VSTM4: variants seen among roughly 807,000 people sequenced by gnomAD.
VSTM4 encodes V-set and transmembrane domain containing 4.
VSTM4 carries 20 observed loss-of-function variants against 36.4 expected under a neutral mutation model. The ratio of observed to expected loss-of-function variants is 0.55; its 90% confidence interval spans 0.39 to 0.80. The LOEUF is 0.80. Ranked by LOEUF, VSTM4 falls within the 30% of genes least tolerant of loss-of-function variation. The pLI is 0.00. For synonymous variants in VSTM4, 182 were observed against 173.9 expected (o/e 1.05, Z -0.37); for missense variants, 392 against 404.5 (o/e 0.97, Z 0.26).
intron 4 of VSTM4, among the ~76,000 whole-genome samples, chr10:49,076,081 C>T (rs1844172887): frequency 6.6e-6 from 1 of 152,164 alleles, no homozygotes; most frequent in Non-Finnish European, 1.5e-5. Context: ...GGGTACTTGT[C>T]ATTGGATGTG....
At chr10:49,099,134 T>G (rs1189263456) in intron 2 of VSTM4, among the ~76,000 whole-genome samples, 1 of 152,224 alleles carries the variant, frequency 6.6e-6, no homozygotes, top group East Asian at 1.9e-4. Flanking sequence ...GTCTCACCAG[T>G]GTAGTACCTA....
Position 49,107,694 on chromosome 10 carries a change from G to C in VSTM4, c.357C>G (p.Pro119=). 1.9e-6 allele frequency: 3 copies of C among 1,614,198 alleles called. No individual in the cohort carries two copies. The highest frequency in any genetic ancestry group is 2.5e-6 in the Non-Finnish European group (3 of 1,180,044). Residue 119 remains proline (P), a synonymous_variant, in exon 2 of 8, where the codon CCC becomes CCG. Transcript: ENST00000332853. ...TGCAGACGTAATGCCCTTGATCGGA[G>C]GGCTGCAGTGTCAAGACGGAGAGCC... The part of the protein sequence containing the change: ...LYRLSVLTLQ[P]SDQGHYVCRV...
chr10:49,090,070 G>GA (rs980086117), intron 2 of VSTM4, among the ~76,000 whole-genome samples: 4 of 152,218 alleles, frequency 2.6e-5, no homozygotes, highest in Admixed American at 2.6e-4. Context: ...AATGCTTTGA[G>GA]AAAAAATTTG....
intron 1 of VSTM4, among the ~76,000 whole-genome samples, chr10:49,115,193 C>A (rs1026786110): frequency 3.9e-5 from 6 of 152,126 alleles, no homozygotes; most frequent in Non-Finnish European, 7.4e-5. Context: ...CAGCCCCAGG[C>A]GAGGTCGGGA....
At chr10:49,091,194 C>T (rs571648591) in intron 2 of VSTM4, among the ~76,000 whole-genome samples, 1 of 152,198 alleles carries the variant, frequency 6.6e-6, no homozygotes, top group South Asian at 2.1e-4. Flanking sequence ...GTCAGCTGAC[C>T]TACTGACTGC....
At chr10:49,026,390 T>C (rs930641536) in intron 7 of VSTM4, among the ~76,000 whole-genome samples, 5 of 152,232 alleles carry the variant, frequency 3.3e-5, no homozygotes, top group African/African-American at 2.4e-5. Flanking sequence ...TCTATTAAGA[T>C]AGGTGCCTTT....
At position 49,081,551 on chromosome 10, in the gene VSTM4, C is replaced by T. The variant is rs138370343; in HGVS notation, c.527-4225G>A. ...AGTGTCCCTAGCAGCATGCTGCAGA[C>T]ATTTGGGGCACACTCTGCCCAGGCA... On this transcript the variant is annotated intron_variant, in intron 3 of 7. Coordinates refer to ENST00000332853, the MANE Select transcript of VSTM4 (RefSeq NM_001031746.5). Among the ~76,000 whole-genome samples, 178 of 152,358 alleles carry T rather than the reference C, an allele frequency of 1.2e-3. 1 individual carries two copies. In the East Asian group the frequency reaches 0.028, roughly 24 times the overall value.
intron 2 of VSTM4, among the ~76,000 whole-genome samples, chr10:49,086,289 C>T (rs868255075): frequency 5.3e-5 from 8 of 152,186 alleles, no homozygotes; most frequent in Non-Finnish European, 1.0e-4. Context: ...GCCCCATAGA[C>T]TTGAAAAATA....
At chr10:49,099,568 A>C (rs1186089525) in intron 2 of VSTM4, among the ~76,000 whole-genome samples, 1 of 152,162 alleles carries the variant, frequency 6.6e-6, no homozygotes, top group Admixed American at 6.5e-5. Context: ...TTCCACTAGA[A>C]ACCTCTCCAG....
intron 7 of VSTM4, among the ~76,000 whole-genome samples, chr10:49,042,039 A>G (rs1843529579): frequency 6.6e-6 from 1 of 152,224 alleles, no homozygotes; most frequent in African/African-American, 2.4e-5. Context: ...AAATATCAGA[A>G]TTAGAAAGAA....
intron 4 of VSTM4, among the ~76,000 whole-genome samples, chr10:49,075,583 G>A (rs1183472160): frequency 6.6e-6 from 1 of 152,270 alleles, no homozygotes; most frequent in Non-Finnish European, 1.5e-5. Context: ...AAGCTGCATT[G>A]CCACTGATGA....
chr10:49,049,285 G>GATAA (rs1374148982), intron 5 of VSTM4, among the ~76,000 whole-genome samples: 1 of 152,202 alleles, frequency 6.6e-6, no homozygotes, highest in Non-Finnish European at 1.5e-5. Context: ...GGGACGGGAA[G>GATAA]ATAAGCCTTT....
At chr10:49,112,547 A>G (rs1384676212) in intron 1 of VSTM4, among the ~76,000 whole-genome samples, 1 of 152,230 alleles carries the variant, frequency 6.6e-6, no homozygotes, top group Non-Finnish European at 1.5e-5. Flanking sequence ...CCCTTAAAAT[A>G]CAGATAGAGT....
At position 49,106,763 on chromosome 10, in the gene VSTM4, C is replaced by A. The variant is rs1050051183; in HGVS notation, c.457+831G>T. On this transcript the variant is annotated intron_variant, in intron 2 of 7. Transcript: ENST00000332853. ...GAGGCTGAGCACTGACAAACATGCTCTCCTTAGCCAAACTCCAGCCGGGCT... is the reference window on the plus strand; with the variant it reads ...GAGGCTGAGCACTGACAAACATGCTATCCTTAGCCAAACTCCAGCCGGGCT... Among the ~76,000 whole-genome samples, 3 of 152,238 alleles carry A rather than the reference C, an allele frequency of 2.0e-5. No homozygotes were observed. In the South Asian group the frequency reaches 6.2e-4, roughly 31 times the overall value.
rs1843651619 is a variant in VSTM4, at chr10:49,048,641, G to A, written c.669-57C>T. ...AGGCAGATTTGTTGCAAAAGAGAAAGGAAAAAAAAAAACCCACAATAGCTT... is the reference window on the plus strand; with the variant it reads ...AGGCAGATTTGTTGCAAAAGAGAAAAGAAAAAAAAAAACCCACAATAGCTT... On this transcript the variant is annotated intron_variant, in intron 5 of 7. Transcript: ENST00000332853. 41 of 1,448,736 alleles carry A rather than the reference G, an allele frequency of 2.8e-5. No homozygotes were observed. In the South Asian group the frequency reaches 4.8e-4, roughly 17 times the overall value. 89.7% of individuals were successfully genotyped at this position (1,448,736 alleles called of 1,614,324 possible). A position where few individuals can be genotyped will look rare whatever the true frequency, so the allele number is the denominator to read the frequency against.
intron 7 of VSTM4, among the ~76,000 whole-genome samples, chr10:49,021,960 A>C (rs1448398439): frequency 1.3e-5 from 2 of 152,192 alleles, no homozygotes; most frequent in East Asian, 1.9e-4. Context: ...CATACTTAGA[A>C]AATCCTGGGA....
rs554242477 is a variant in VSTM4, at chr10:49,077,231, G to T, written c.622C>A (p.Arg208=). 1.3e-5 allele frequency: 21 copies of T among 1,613,830 alleles called. No homozygotes were observed. Among genetic ancestry groups the T allele is most frequent in the Non-Finnish European group, 1.6e-5 (19 of 1,180,030 alleles). ...VIVWQSVFNK[R]KSRVRHYLVK... ...TCTGTTTTCTTACCTCTGGATTTCC[G>T]CTTGTTAAACACAGACTGCCAGACG... Residue 208 remains arginine (R), a synonymous_variant, in exon 4 of 8, where the codon CGG becomes AGG. Transcript: ENST00000332853.
Position 49,019,701 on chromosome 10 carries a change from G to T in VSTM4, c.912C>A (p.Ala304=). The change falls in exon 8 of 8, where the codon GCC becomes GCA. Residue 304 remains alanine, a synonymous_variant. Transcript: ENST00000332853. ...LIKPHRAAKG[A]PTSTVYAQIL... ...TCTGGGCGTAGACAGTGCTGGTGGG[G>T]GCGCCTTTGGCAGCCCGGTGGGGTT... The T allele has an allele frequency of 6.2e-7, 1 of 1,614,026 alleles. No individual in the cohort carries two copies. Among genetic ancestry groups the T allele is most frequent in the East Asian group, 2.2e-5 (1 of 44,878 alleles).
chr10:49,094,031 G>A (rs939921636), intron 2 of VSTM4, among the ~76,000 whole-genome samples: 13 of 152,226 alleles, frequency 8.5e-5, no homozygotes, highest in African/African-American at 2.9e-4. Flanking sequence ...ACAGGCGTTA[G>A]CCACGGTGCC....
Sources: allele counts gnomAD v4.1 joint callset (sites outside exome capture counted in the v4.1 genomes callset), GRCh38; gene constraint gnomAD v4.1.1; transcripts MANE v1.5; gene names NCBI Gene and HGNC (gene_info 2026-07-23, HGNC 2026-07-21).